Variants in SEMA3D observed in about 807,000 individuals in gnomAD.
The protein encoded by SEMA3D is semaphorin 3D, also known as semaphorin-3D.
A neutral mutation model predicts 100.1 loss-of-function variants in SEMA3D; 84 were observed. The observed-to-expected ratio is 0.84, with a 90% CI of 0.70 to 1.01. SEMA3D has a LOEUF of 1.01. Ranked by LOEUF, SEMA3D falls within the 50% of genes least tolerant of loss-of-function variation. The pLI is 0.00. For missense variants in SEMA3D, 875 were observed against 934.1 expected (o/e 0.94, Z 0.82); for synonymous variants, 312 against 320.7 (o/e 0.97, Z 0.29).
At chr7:85,236,305 A>G in the SEMA3D span, among the ~76,000 whole-genome samples, 1 of 148,604 alleles carries the variant, frequency 6.7e-6, no homozygotes, top group Non-Finnish European at 1.5e-5. Context: ...TTATTTATTT[A>G]TTTATTTATT....
chr7:85,083,996 A>C (rs1788143709), intron 4 of SEMA3D, among the ~76,000 whole-genome samples: 1 of 149,156 alleles, frequency 6.7e-6, no homozygotes, highest in Admixed American at 6.8e-5. Flanking sequence ...AAATACAAAA[A>C]ATTAGCCTGG....
chr7:85,051,619 C>G (rs945993415), intron 9 of SEMA3D, among the ~76,000 whole-genome samples: 1 of 151,920 alleles, frequency 6.6e-6, no homozygotes, highest in Non-Finnish European at 1.5e-5. Context: ...TGCCAGTGTA[C>G]TGCTGATTTT....
the SEMA3D span, among the ~76,000 whole-genome samples, chr7:85,224,035 A>G: frequency 3.3e-5 from 5 of 152,304 alleles, no homozygotes; most frequent in South Asian, 1.0e-3. Context: ...ACATGGCAAT[A>G]CTACAAATAT....
chr7:85,105,426 A>C (rs1260684156), intron 3 of SEMA3D, among the ~76,000 whole-genome samples: 1 of 152,068 alleles, frequency 6.6e-6, no homozygotes, highest in Non-Finnish European at 1.5e-5. Flanking sequence ...GCTTGAGATC[A>C]TGTGAAAACG....
the SEMA3D span, among the ~76,000 whole-genome samples, chr7:85,216,377 G>A: frequency 6.6e-6 from 1 of 151,836 alleles, no homozygotes; most frequent in South Asian, 2.1e-4. Context: ...GTGTGTGTGT[G>A]TGTGTGTGTG....
At chr7:85,091,317 G>A (rs999579674) in intron 4 of SEMA3D, among the ~76,000 whole-genome samples, 1 of 152,048 alleles carries the variant, frequency 6.6e-6, no homozygotes, top group Non-Finnish European at 1.5e-5. Flanking sequence ...CATTCTCTTT[G>A]TGACCCTTTG....
chr7:85,019,867 T>G (rs1459366543), intron 14 of SEMA3D, among the ~76,000 whole-genome samples: 1 of 151,670 alleles, frequency 6.6e-6, no homozygotes, highest in African/African-American at 2.4e-5. Context: ...ACTGGTCTAT[T>G]TTTCTCAAAT....
the SEMA3D span, among the ~76,000 whole-genome samples, chr7:85,224,110 C>T: frequency 2.0e-5 from 3 of 152,086 alleles, no homozygotes; most frequent in African/African-American, 7.2e-5. Flanking sequence ...TTCTTGATAA[C>T]ACTTTATAAA....
At chr7:85,114,266 A>G (rs1383420849) in intron 3 of SEMA3D, among the ~76,000 whole-genome samples, 1 of 152,218 alleles carries the variant, frequency 6.6e-6, no homozygotes, top group African/African-American at 2.4e-5. Flanking sequence ...GTGGTATGGC[A>G]GGATTTGAGC....
chr7:85,229,218 A>G, the SEMA3D span, among the ~76,000 whole-genome samples: 13 of 152,194 alleles, frequency 8.5e-5, no homozygotes, highest in East Asian at 2.3e-3. Flanking sequence ...AGCCTTCAGA[A>G]GATAAACAAC....
At chr7:85,079,197 T>A (rs1338747265) in intron 5 of SEMA3D, among the ~76,000 whole-genome samples, 2 of 152,172 alleles carry the variant, frequency 1.3e-5, no homozygotes, top group Non-Finnish European at 2.9e-5. Context: ...TAGCATATAG[T>A]GTTGTCATAA....
At chr7:85,168,141 T>C (rs1790963845) in intron 1 of SEMA3D, among the ~76,000 whole-genome samples, 1 of 151,810 alleles carries the variant, frequency 6.6e-6, no homozygotes, top group Non-Finnish European at 1.5e-5. Context: ...AACCTGTGGC[T>C]CTTATTATTT....
At chr7:85,075,844 G>C (rs943157492) in intron 5 of SEMA3D, among the ~76,000 whole-genome samples, 2 of 152,160 alleles carry the variant, frequency 1.3e-5, no homozygotes, top group Non-Finnish European at 2.9e-5. Context: ...AACAATACTT[G>C]TTGCAAAAAA....
intron 1 of SEMA3D, among the ~76,000 whole-genome samples, chr7:85,174,620 C>CT: frequency 6.6e-6 from 1 of 152,186 alleles, no homozygotes; most frequent in Non-Finnish European, 1.5e-5. Context: ...GAGAAACAAT[C>CT]TTGTGGCACT....
chr7:85,077,258 C>A (rs1234522191), intron 5 of SEMA3D, among the ~76,000 whole-genome samples: 1 of 151,428 alleles, frequency 6.6e-6, no homozygotes, highest in Non-Finnish European at 1.5e-5. Flanking sequence ...GGTAAAAGTG[C>A]AAAAGAAAAC....
chr7:85,023,930 C>T (rs952593061), intron 12 of SEMA3D, among the ~76,000 whole-genome samples: 18 of 151,816 alleles, frequency 1.2e-4, no homozygotes, highest in African/African-American at 3.6e-4. Context: ...GAAACTGATA[C>T]TTTCTGGATA....
chr7:85,012,169 C>T (rs1242441716), intron 17 of SEMA3D, among the ~76,000 whole-genome samples: 2 of 151,668 alleles, frequency 1.3e-5, no homozygotes, highest in Admixed American at 6.6e-5. Flanking sequence ...ACAATACAGC[C>T]TTTTGGTGAT....
At chr7:85,020,370 A>T in intron 13 of SEMA3D, 49 bp from the exon 14 acceptor site, 1 of 1,356,012 alleles carries the variant, frequency 7.4e-7, no homozygotes, top group Non-Finnish European at 1.1e-6. Context: ...CTCAAAAATT[A>T]GTGGTAAGCA....
At chr7:85,235,840 T>G in the SEMA3D span, among the ~76,000 whole-genome samples, 1 of 152,164 alleles carries the variant, frequency 6.6e-6, no homozygotes, top group Non-Finnish European at 1.5e-5. Flanking sequence ...AAGCCAGTCT[T>G]AGGAGCATGG....
Sources: gnomAD v4.1 joint callset for allele counts (sites outside exome capture counted in the v4.1 genomes callset) on GRCh38, gnomAD v4.1.1 for gene constraint, MANE v1.5 for transcripts, NCBI Gene and HGNC (gene_info 2026-07-23, HGNC 2026-07-21) for gene names.